The following TSHZ2 variants were observed in gnomAD, a reference collection of about 807,000 sequenced individuals.
The protein encoded by TSHZ2 is teashirt homolog 2.
TSHZ2 carries 21 observed loss-of-function variants against 74.4 expected under a neutral mutation model. That is an observed-to-expected ratio of 0.28 (90% CI 0.20 to 0.41). The LOEUF (loss-of-function observed/expected upper bound fraction) is 0.41, where lower values mean the gene tolerates loss of function less well. Ranked by LOEUF, TSHZ2 falls within the 10% of genes least tolerant of loss-of-function variation. The pLI, the probability that TSHZ2 is intolerant of heterozygous loss-of-function variation, is 1.00. For missense variants in TSHZ2, 1,244 were observed against 1,293.5 expected (o/e 0.96, Z 0.59); for synonymous variants, 540 against 515.3 (o/e 1.05, Z -0.65).
intron 2 of TSHZ2, among the ~76,000 whole-genome samples, chr20:53,449,137 A>G (rs1984672247): frequency 6.6e-6 from 1 of 152,150 alleles, no homozygotes. Context: ...AGATCACTCC[A>G]GATTACCCTT....
chr20:53,011,078 A>G (rs1319724460), intron 1 of TSHZ2, among the ~76,000 whole-genome samples: 1 of 152,232 alleles, frequency 6.6e-6, no homozygotes, highest in Non-Finnish European at 1.5e-5. Flanking sequence ...TTGCTCAAAC[A>G]GCTTTCTTTA....
At chr20:53,037,199 G>A (rs1983854426) in intron 1 of TSHZ2, among the ~76,000 whole-genome samples, 1 of 152,220 alleles carries the variant, frequency 6.6e-6, no homozygotes, top group African/African-American at 2.4e-5. Context: ...ACCCTTGCCA[G>A]GTCACTCAGG....
rs143611054 is a variant in TSHZ2 at position 53,361,971 on chromosome 20, G to A, written c.*8+105400G>A. 5.0e-4 allele frequency among the ~76,000 whole-genome samples: 76 copies of A among 151,242 alleles called. 2 individuals carry two copies. The East Asian group carries it at 0.012, about 24-fold the overall frequency. On this transcript the variant is annotated intron_variant, in intron 2 of 2. Transcript: ENST00000371497. ...GTCTCACTCTGTCACCCAGGCTGTC[G>A]TGCGATGGCGCCATCTCGGCTCACT...
At chr20:53,162,818 C>T (rs558883358) in intron 1 of TSHZ2, among the ~76,000 whole-genome samples, 1 of 151,962 alleles carries the variant, frequency 6.6e-6, no homozygotes, top group African/African-American at 2.4e-5. Context: ...CTTTACAAAG[C>T]GGGGGAGGGG....
At chr20:53,010,757 C>T (rs1194578904) in intron 1 of TSHZ2, among the ~76,000 whole-genome samples, 1 of 152,090 alleles carries the variant, frequency 6.6e-6, no homozygotes, top group Non-Finnish European at 1.5e-5. Flanking sequence ...AAATTGGAGA[C>T]CTAGAACATA....
chr20:53,446,921 C>G (rs930169733), intron 2 of TSHZ2, among the ~76,000 whole-genome samples: 1 of 152,142 alleles, frequency 6.6e-6, no homozygotes, highest in Non-Finnish European at 1.5e-5. Context: ...CTCTCTTGCC[C>G]CTAAGAGCCT....
At chr20:52,978,707 A>C (rs1480556133) in intron 1 of TSHZ2, among the ~76,000 whole-genome samples, 1 of 152,246 alleles carries the variant, frequency 6.6e-6, no homozygotes, top group Non-Finnish European at 1.5e-5. Context: ...TATTAAAAAA[A>C]TCACAGTGGT....
chr20:53,123,527 G>A (rs755462172), intron 1 of TSHZ2, among the ~76,000 whole-genome samples: 14 of 152,070 alleles, frequency 9.2e-5, no homozygotes, highest in Non-Finnish European at 1.8e-4. Context: ...GCTAACCTAG[G>A]CATTTTCTTC....
At chr20:53,186,197 T>G (rs189394772) in intron 1 of TSHZ2, among the ~76,000 whole-genome samples, 73 of 152,314 alleles carry the variant, frequency 4.8e-4, no homozygotes, top group African/African-American at 1.7e-3. Flanking sequence ...TCTCTTTCCA[T>G]CTCCTTCAGT....
chr20:53,272,038 A>C (rs1221640591), intron 2 of TSHZ2, among the ~76,000 whole-genome samples: 1 of 149,702 alleles, frequency 6.7e-6, no homozygotes, highest in African/African-American at 2.5e-5. Context: ...TTTGTGACGG[A>C]GTCTTGTTCT....
intron 1 of TSHZ2, among the ~76,000 whole-genome samples, chr20:53,017,224 T>C (rs1229199066): frequency 6.6e-6 from 1 of 152,168 alleles, no homozygotes; most frequent in African/African-American, 2.4e-5. Context: ...TTTTCTGAAA[T>C]GAGGCTCAGG....
intron 1 of TSHZ2, among the ~76,000 whole-genome samples, chr20:53,135,939 G>A (rs1294344767): frequency 2.0e-5 from 3 of 152,180 alleles, no homozygotes; most frequent in Non-Finnish European, 4.4e-5. Flanking sequence ...TCAGTTTTAG[G>A]TAGTGTATTC....
intron 2 of TSHZ2, among the ~76,000 whole-genome samples, chr20:53,388,102 C>T (rs984508839): frequency 2.6e-5 from 4 of 151,586 alleles, no homozygotes; most frequent in African/African-American, 9.7e-5. Flanking sequence ...GTCAGATTTA[C>T]TCATCCCTAT....
chr20:53,421,053 G>A (rs1324097184), intron 2 of TSHZ2: 1 of 152,196 alleles, frequency 6.6e-6, no homozygotes, highest in East Asian at 1.9e-4. Context: ...ACAGTTTCTT[G>A]ATTCTCTGTC....
chr20:53,438,953 T>C (rs1466717983), intron 2 of TSHZ2, among the ~76,000 whole-genome samples: 1 of 151,754 alleles, frequency 6.6e-6, no homozygotes, highest in Non-Finnish European at 1.5e-5. Flanking sequence ...AGAGTGAAAC[T>C]CCATCTCTAA....
chr20:52,990,038 G>A (rs1056485738), intron 1 of TSHZ2, among the ~76,000 whole-genome samples: 20 of 151,290 alleles, frequency 1.3e-4, no homozygotes, highest in Admixed American at 1.1e-3. Flanking sequence ...TTCATTTATC[G>A]GTTCCTCTGT....
chr20:53,156,066 A>T (rs894927119), intron 1 of TSHZ2, among the ~76,000 whole-genome samples: 1 of 152,202 alleles, frequency 6.6e-6, no homozygotes, highest in Admixed American at 6.5e-5. Context: ...GCTGCAGCTG[A>T]GAGTGTGCAA....
At chr20:53,438,855 G>A (rs903613069) in intron 2 of TSHZ2, among the ~76,000 whole-genome samples, 4 of 152,190 alleles carry the variant, frequency 2.6e-5, no homozygotes, top group African/African-American at 9.6e-5. Flanking sequence ...AACTACTAGG[G>A]AGACTGAGGC....
chr20:53,206,197 G>A (rs1023237442), intron 1 of TSHZ2, among the ~76,000 whole-genome samples: 2 of 152,116 alleles, frequency 1.3e-5, no homozygotes, highest in African/African-American at 4.8e-5. Flanking sequence ...CCAGCCTGAC[G>A]GCAGAGCCAG....
Sources: allele counts gnomAD v4.1 joint callset (sites outside exome capture counted in the v4.1 genomes callset), GRCh38; gene constraint gnomAD v4.1.1; transcripts MANE v1.5; gene names NCBI Gene and HGNC (gene_info 2026-07-23, HGNC 2026-07-21).